Variants in PAX2 observed in about 807,000 individuals in gnomAD.
PAX2 encodes the protein paired box 2, also known as paired box protein Pax-2.
A neutral mutation model predicts 41.7 loss-of-function variants in PAX2; 9 were observed. The observed-to-expected ratio is 0.22, with a 90% CI of 0.13 to 0.38. The LOEUF (loss-of-function observed/expected upper bound fraction) is 0.38, where lower values mean the gene tolerates loss of function less well. Among genes scored for constraint, PAX2 ranks in the 10% least tolerant of loss-of-function variants. The pLI is 1.00. For synonymous variants in PAX2, 221 were observed against 212.7 expected, an observed-to-expected ratio of 1.04 and a Z score of -0.34; for missense variants, 418 against 531.6, an observed-to-expected ratio of 0.79 and a Z score of 2.10.
At chr10:100,813,867 G>A (rs1322310372) in intron 7 of PAX2, among the ~76,000 whole-genome samples, 1 of 151,876 alleles carries the variant, frequency 6.6e-6, no homozygotes, top group Non-Finnish European at 1.5e-5. Flanking sequence ...CTCCCACAGG[G>A]GGAAGAAAAA....
intron 3 of PAX2, among the ~76,000 whole-genome samples, chr10:100,773,630 C>T (rs1385728409): frequency 1.3e-5 from 2 of 152,086 alleles, no homozygotes; most frequent in African/African-American, 2.4e-5. Context: ...TCCCGGTCTG[C>T]CTGGCTGTAA....
upstream of PAX2, among the ~76,000 whole-genome samples, chr10:100,742,843 C>CTTTTTTTTTTTTTTTTTT (rs61627823): frequency 2.0e-3 from 84 of 41,258 alleles, 30 homozygotes; most frequent in East Asian, 5.3e-3. Flanking sequence ...TTCTTTCTTC[C>CTTTTTTTTTTTTTTTTTT]TTTTTTTTTT....
exon 1 of PAX2, chr10:100,735,597 C>A: frequency 1.1e-6 from 1 of 901,622 alleles, no homozygotes; most frequent in Non-Finnish European, 1.4e-6. Flanking sequence ...TGGGTGGCTG[C>A]GCCCAGATCT....
chr10:100,824,979 CCCACTGTATGTCATGGCCCCT>C lies in PAX2; in HGVS notation c.1021+235_1021+255del. 6.2e-7 allele frequency: 1 copy of C among 1,613,634 alleles called. No individual in the cohort carries two copies. Among genetic ancestry groups the C allele is most frequent in the Non-Finnish European group, 8.5e-7 (1 of 1,179,618 alleles). ...TGCAGAAGTGCCCCCTTGTGTGCAA[CCCACTGTATGTCATGGCCCCT>C]CCACAGCGCCCACCCACCCAAGTCT... On this transcript the variant is annotated intron_variant, in intron 8 of 9. Transcript: ENST00000355243. This position sits in a 1 kb window ranked among gnomAD's most constrained non-coding sequence, Gnocchi z 6.6.
rs1461609536 is a variant in PAX2 at position 100,824,351 on chromosome 10, GAT to G, written c.920-295_920-294del. Among the ~76,000 whole-genome samples the G allele has an allele frequency of 2.3e-5, 1 of 43,720 alleles. No homozygotes were observed. Among genetic ancestry groups the G allele is most frequent in the Admixed American group, 2.6e-4 (1 of 3,824 alleles). 28.7% of individuals were successfully genotyped at this position (43,720 alleles called of 152,430 possible). A position where few individuals can be genotyped will look rare whatever the true frequency, so the allele number is the denominator to read the frequency against. Reference sequence around the variant, plus strand: ...ATGCACAGAGACACAGGCAAAGGCAGATACACACACACACACACACACACACA... The same window carrying G: ...ATGCACAGAGACACAGGCAAAGGCAGACACACACACACACACACACACACA... On this transcript the variant is annotated intron_variant, in intron 7 of 9. Coordinates refer to ENST00000355243, the MANE Select transcript of PAX2 (RefSeq NM_000278.5). The surrounding 1 kb of genome is among the most constrained non-coding windows in gnomAD (Gnocchi z 6.6).
intron 5 of PAX2, among the ~76,000 whole-genome samples, chr10:100,783,209 T>C (rs567809310): frequency 3.4e-4 from 52 of 152,374 alleles, no homozygotes; most frequent in African/African-American, 1.2e-3. Context: ...CAGTGAACCT[T>C]TCCTGGACAT....
intron 1 of PAX2, chr10:100,747,585 C>T (rs1245839874): frequency 1.0e-6 from 1 of 982,794 alleles, no homozygotes; most frequent in Non-Finnish European, 1.2e-6. Context: ...TTAGACCCGG[C>T]TTGGACCTGT....
rs1848657006 is a variant in PAX2, at chr10:100,828,237, A to AT, written c.*619dup. On this transcript the variant is annotated 3_prime_UTR_variant, in exon 10 of 10. Coordinates refer to ENST00000355243, the MANE Select transcript of PAX2 (RefSeq NM_000278.5). The surrounding 1 kb of genome is among the most constrained non-coding windows in gnomAD (Gnocchi z 6.5). ...GGTGTGCCCTGTCCCAGAAGATGGA[A>AT]TGGGGGTGTGGGGGTCCGGCTCTAG... 8.7e-6 allele frequency: 2 copies of AT among 230,548 alleles called. No homozygotes were observed. Among genetic ancestry groups the AT allele is most frequent in the African/African-American group, 4.4e-5 (2 of 45,074 alleles). 14.3% of individuals were successfully genotyped at this position (230,548 alleles called of 1,614,324 possible). A position where few individuals can be genotyped will look rare whatever the true frequency, so the allele number is the denominator to read the frequency against.
At chr10:100,801,562 T>C (rs1847565211) in intron 5 of PAX2, among the ~76,000 whole-genome samples, 1 of 152,236 alleles carries the variant, frequency 6.6e-6, no homozygotes, top group Admixed American at 6.5e-5. Context: ...ATTCCCCAGT[T>C]GTGTGACCTT....
chr10:100,791,538 G>A lies in PAX2; in HGVS notation c.616+10173G>A, dbSNP rs1847119193. Among the ~76,000 whole-genome samples, 1 of 152,204 alleles carries A rather than the reference G, an allele frequency of 6.6e-6. No individual in the cohort carries two copies. Among genetic ancestry groups the A allele is most frequent in the Non-Finnish European group, 1.5e-5 (1 of 68,034 alleles). ...AGTTTATGCTTTCCTCCTAGGGAGA[G>A]CTGGATTCCATCCAACAGCCTCCCA... On this transcript the variant is annotated intron_variant, in intron 5 of 9. Coordinates refer to ENST00000355243, the MANE Select transcript of PAX2 (RefSeq NM_000278.5). This position sits in a 1 kb window ranked among gnomAD's most constrained non-coding sequence, Gnocchi z 4.5.
At chr10:100,811,398 C>G (rs1177869646) in intron 7 of PAX2, among the ~76,000 whole-genome samples, 1 of 152,232 alleles carries the variant, frequency 6.6e-6, no homozygotes, top group Non-Finnish European at 1.5e-5. Context: ...GAGGTACTGT[C>G]AAGGTGAGCC....
Position 100,750,971 on chromosome 10 carries a change from T to C in PAX2, c.410+80T>C. On this transcript the variant is annotated intron_variant, in intron 3 of 9. Coordinates refer to ENST00000355243, the MANE Select transcript of PAX2 (RefSeq NM_000278.5). The surrounding 1 kb of genome is among the most constrained non-coding windows in gnomAD (Gnocchi z 4.1). ...GCAGGGGTGTCCCACGCCCAGTCTC[T>C]GCTCTTTGTCCAGCCTCTGCCCTTT... The C allele has an allele frequency of 1.8e-6, 2 of 1,098,626 alleles. No individual in the cohort carries two copies. Among genetic ancestry groups the C allele is most frequent in the East Asian group, 2.4e-5 (1 of 42,500 alleles). The allele number at this position is 1,098,626 out of a possible 1,614,324, so 68.1% of individuals were successfully genotyped here. A position where few individuals can be genotyped will look rare whatever the true frequency, so the allele number is the denominator to read the frequency against.
At chr10:100,747,551 T>G in intron 1 of PAX2, 4 of 900,406 alleles carry the variant, frequency 4.4e-6, no homozygotes, top group South Asian at 5.2e-5. Context: ...TTAAGGATAA[T>G]TTGTAACTTT....
At chr10:100,746,592 G>T (rs1413874904) in intron 1 of PAX2, among the ~76,000 whole-genome samples, 1 of 152,172 alleles carries the variant, frequency 6.6e-6, no homozygotes, top group Non-Finnish European at 1.5e-5. Flanking sequence ...TAGGTCATGG[G>T]ATCCACGGCC....
At chr10:100,747,883 T>G in intron 1 of PAX2, 1 of 984,360 alleles carries the variant, frequency 1.0e-6, no homozygotes, top group Non-Finnish European at 1.2e-6. Context: ...TCGTTCTCCT[T>G]TTTTGCGGAT....
At chr10:100,758,266 G>A (rs551719844) in intron 3 of PAX2, among the ~76,000 whole-genome samples, 6 of 151,702 alleles carry the variant, frequency 4.0e-5, no homozygotes, top group South Asian at 2.1e-4. Context: ...TCAACCTCCC[G>A]AGTAGCTGGG....
rs924413885 is a variant in PAX2, at chr10:100,756,383, A to G, written c.410+5492A>G. On this transcript the variant is annotated intron_variant, in intron 3 of 9. Transcript: ENST00000355243. Reference sequence around the variant, plus strand: ...CCTCCTTGTGTCTACCTGGAATTGGAGTTTTTATATTAAGAAGAGAACAAT... The same window carrying G: ...CCTCCTTGTGTCTACCTGGAATTGGGGTTTTTATATTAAGAAGAGAACAAT... Among the ~76,000 whole-genome samples the G allele has an allele frequency of 2.6e-5, 4 of 152,278 alleles. No homozygotes were observed. In the East Asian group the frequency reaches 7.7e-4, roughly 29 times the overall value.
At chr10:100,785,087 A>G (rs1846794530) in intron 5 of PAX2, among the ~76,000 whole-genome samples, 1 of 152,150 alleles carries the variant, frequency 6.6e-6, no homozygotes, top group Non-Finnish European at 1.5e-5. Flanking sequence ...AGCTGTAATT[A>G]TGGGTGGGCA....
chr10:100,745,799 C>T lies in PAX2; in HGVS notation c.-462C>T. The T allele has an allele frequency of 3.7e-6, 4 of 1,076,078 alleles. No individual in the cohort carries two copies. The highest frequency in any genetic ancestry group is 4.5e-6 in the Non-Finnish European group (4 of 887,478). The allele number at this position is 1,076,078 out of a possible 1,614,324, so 66.7% of individuals were successfully genotyped here. On this transcript the variant is annotated 5_prime_UTR_variant, in exon 1 of 10. Transcript: ENST00000355243. ...CTTCTCTGCCAACTTCGCCAACTCG[C>T]CAGCACTTGGAGAGGCCCGGCTCCC...
Sources: allele counts gnomAD v4.1 joint callset (sites outside exome capture counted in the v4.1 genomes callset), GRCh38; gene constraint gnomAD v4.1.1; non-coding constraint Gnocchi (gnomAD v3.1); transcripts MANE v1.5; gene names NCBI Gene and HGNC (gene_info 2026-07-23, HGNC 2026-07-21).